DSCAM: variants seen among roughly 807,000 people sequenced by gnomAD.
The protein encoded by DSCAM is DS cell adhesion molecule, also known as cell adhesion molecule DSCAM.
A neutral mutation model predicts 217.7 loss-of-function variants in DSCAM; 47 were observed. The observed-to-expected ratio is 0.22, with a 90% CI of 0.17 to 0.28. The LOEUF (loss-of-function observed/expected upper bound fraction) is 0.28. Ranked by LOEUF, DSCAM falls within the 10% of genes least tolerant of loss-of-function variation. The probability of loss-of-function intolerance (pLI) is 1.00; values close to 1 mark genes in which losing one functional copy is unlikely to be tolerated. For synonymous variants in DSCAM, 1,056 were observed against 1,015.3 expected, an observed-to-expected ratio of 1.04 and a Z score of -0.76; for missense variants, 2,080 against 2,618.3, an observed-to-expected ratio of 0.79 and a Z score of 4.49.
chr21:40,162,779 T>C (rs1161379249), intron 16 of DSCAM, among the ~76,000 whole-genome samples: 1 of 152,200 alleles, frequency 6.6e-6, no homozygotes, highest in African/African-American at 2.4e-5. Context: ...AGTACAATAC[T>C]GAGGGCCAAA....
At chr21:40,056,753 A>G (rs745606676) in intron 28 of DSCAM, among the ~76,000 whole-genome samples, 16 of 152,238 alleles carry the variant, frequency 1.1e-4, no homozygotes, top group Non-Finnish European at 1.6e-4. Flanking sequence ...CCATCAATCC[A>G]GCTCAATTGT....
intron 30 of DSCAM, among the ~76,000 whole-genome samples, 182 bp downstream of exon 30, chr21:40,051,776 C>T (rs1345396739): frequency 1.3e-5 from 2 of 152,126 alleles, no homozygotes; most frequent in East Asian, 3.8e-4. Flanking sequence ...ATTCAACTGA[C>T]ATAATAATAG....
chr21:40,659,617 C>A (rs1015635730), intron 3 of DSCAM, among the ~76,000 whole-genome samples: 2 of 152,104 alleles, frequency 1.3e-5, no homozygotes, highest in Non-Finnish European at 2.9e-5. Context: ...TAATTTTCTT[C>A]TGCATATCTA....
chr21:40,064,116 G>GTATATATA lies in DSCAM; in HGVS notation c.4889-1225_4889-1218dup, dbSNP rs35690892. On this transcript the variant is annotated intron_variant, in intron 27 of 32. Transcript: ENST00000400454. ...CCCTGAATGATTTAACACTTACAAA[G>GTATATATA]TATATATATATATATATGTGCTTAT... Among the ~76,000 whole-genome samples the GTATATATA allele has an allele frequency of 2.3e-3, 341 of 149,120 alleles. 2 individuals are homozygous for GTATATATA. Among genetic ancestry groups the GTATATATA allele is most frequent in the African/African-American group, 8.1e-3 (328 of 40,572 alleles).
chr21:40,040,570 A>G (rs9983207), intron 32 of DSCAM, among the ~76,000 whole-genome samples: 29,218 of 136,784 alleles, frequency 0.21, 2,885 homozygotes, highest in Middle Eastern at 0.29. Context: ...TTCAGTGGTC[A>G]CTGGAGAAAA....
chr21:40,151,339 C>G (rs1373015049), intron 16 of DSCAM, among the ~76,000 whole-genome samples: 1 of 152,156 alleles, frequency 6.6e-6, no homozygotes, highest in Non-Finnish European at 1.5e-5. Context: ...CACCAAGAAG[C>G]CTTCTCCCTC....
rs200813926 is a variant in DSCAM at position 40,144,621 on chromosome 21, G to A, written c.3129C>T (p.Ser1043=). 9 of 1,614,110 alleles carry A rather than the reference G, an allele frequency of 5.6e-6. No individual in the cohort carries two copies. Among genetic ancestry groups the A allele is most frequent in the Admixed American group, 1.7e-5 (1 of 60,028 alleles). Residue 1043 remains serine (S), a synonymous_variant, in exon 17 of 33, where the codon AGC becomes AGT. Transcript: ENST00000400454. This position sits in a 1 kb window ranked among gnomAD's most constrained non-coding sequence, Gnocchi z 4.8. ...CCAGGGTGTAAACCTCACTGTCCCC[G>A]CTGGTGTCGACACTGATAATGTTGA... is the stretch of plus-strand genomic sequence containing the variant. ...FQFNIISVDT[S]GDSEVYTLDN... is the part of the protein sequence containing the mutation.
chr21:40,845,540 C>CCTCTCTCTCTCTCTCTCTCT (rs71332310), intron 1 of DSCAM, among the ~76,000 whole-genome samples: 93 of 138,970 alleles, frequency 6.7e-4, no homozygotes, highest in East Asian at 4.0e-3. Flanking sequence ...CTCTTCTTCT[C>CCTCTCTCTCTCTCTCTCTCT]CTCTCTCTCT....
chr21:40,667,467 A>C (rs2090216598), intron 3 of DSCAM, among the ~76,000 whole-genome samples: 1 of 152,244 alleles, frequency 6.6e-6, no homozygotes, highest in Admixed American at 6.5e-5. Flanking sequence ...ATATGTGCCC[A>C]AAGTGTCTAA....
intron 11 of DSCAM, among the ~76,000 whole-genome samples, chr21:40,209,622 T>C (rs1271780077): frequency 2.0e-5 from 3 of 152,166 alleles, no homozygotes; most frequent in African/African-American, 7.2e-5. Flanking sequence ...TTCCAAGCTT[T>C]CTCCCTGTCC....
chr21:40,403,775 G>T (rs2075258838), intron 3 of DSCAM, among the ~76,000 whole-genome samples: 1 of 152,140 alleles, frequency 6.6e-6, no homozygotes, highest in South Asian at 2.1e-4. Flanking sequence ...CCCTAGACTT[G>T]AATGGCTGAT....
chr21:40,206,258 C>T (rs995403606), intron 11 of DSCAM, among the ~76,000 whole-genome samples: 3 of 152,200 alleles, frequency 2.0e-5, no homozygotes, highest in Non-Finnish European at 4.4e-5. Context: ...TCCCTAATGA[C>T]AGGAACAGGA....
intron 3 of DSCAM, among the ~76,000 whole-genome samples, chr21:40,430,023 A>C (rs1427825677): frequency 6.6e-6 from 1 of 152,200 alleles, no homozygotes; most frequent in Non-Finnish European, 1.5e-5. Flanking sequence ...AATGAACAAA[A>C]AATAATTTTT....
rs377256168 is a variant in DSCAM, at chr21:40,296,107, A to G, written c.2130T>C (p.Asn710=). ...DGIYGKAVIL[N]CSAEGYPVPT... ...GTACAGGGTAACCCTCAGCAGAACA[A>G]TTGAGGATGACTGCTTTGCCATAAA... The change falls in exon 10 of 33, where the codon AAT becomes AAC. Residue 710 remains asparagine (N), a synonymous_variant. Transcript: ENST00000400454. 9.3e-6 allele frequency: 15 copies of G among 1,613,946 alleles called. No individual in the cohort carries two copies. In the African/African-American group the frequency reaches 2.0e-4, roughly 22 times the overall value.
chr21:40,813,365 T>C (rs2091854948), intron 1 of DSCAM, among the ~76,000 whole-genome samples: 1 of 152,182 alleles, frequency 6.6e-6, no homozygotes, highest in Non-Finnish European at 1.5e-5. Flanking sequence ...TGATTTGTTC[T>C]TGTTTCTCTA....
chr21:40,142,815 T>G, intron 17 of DSCAM, 111 bp from the exon 18 acceptor site: 1 of 1,248,268 alleles, frequency 8.0e-7, no homozygotes. Context: ...AAAATTGCAC[T>G]CAACCCCAAA....
chr21:40,810,365 G>C (rs1020532453), intron 1 of DSCAM, among the ~76,000 whole-genome samples: 5 of 152,168 alleles, frequency 3.3e-5, no homozygotes, highest in African/African-American at 4.8e-5. Flanking sequence ...TTGCTGAAAA[G>C]GGGGAGAGAA....
Position 40,013,194 on chromosome 21 carries a change from C to G in DSCAM, c.5879G>C (p.Gly1960Ala), listed in dbSNP as rs202187685. The G allele has an allele frequency of 2.5e-6, 4 of 1,613,594 alleles. No homozygotes were observed. The highest frequency in any genetic ancestry group is 3.4e-6 in the Non-Finnish European group (4 of 1,179,844). Residue 1960 changes from glycine (G) to alanine (A), a missense_variant, in exon 33 of 33, where the codon GGA (glycine) becomes GCA (alanine). This residue lies in a region of DSCAM where 145 missense variants were observed against 138.5 expected (regional missense o/e 1.05). Coordinates refer to ENST00000400454, the MANE Select transcript of DSCAM (RefSeq NM_001389.5). ...CACGGCCCCCGGCTGCCACGACTGT[C>G]CTTCTCTCGTGGAGGAGGCGGAGGA... ...AASSASSTRE[G>A]QSWQPGAVAT...
chr21:40,630,035 G>A (rs910978403), intron 3 of DSCAM, among the ~76,000 whole-genome samples: 5 of 152,110 alleles, frequency 3.3e-5, no homozygotes, highest in African/African-American at 1.2e-4. Context: ...TCCCTGGGAG[G>A]CAAGGAGTAA....
Sources: allele counts gnomAD v4.1 joint callset (sites outside exome capture counted in the v4.1 genomes callset), GRCh38; gene constraint gnomAD v4.1.1; regional missense constraint gnomAD v4.1.1; non-coding constraint Gnocchi (gnomAD v3.1); transcripts MANE v1.5; gene names NCBI Gene and HGNC (gene_info 2026-07-23, HGNC 2026-07-21).